SUSD4: variants seen among roughly 807,000 people sequenced by gnomAD.
SUSD4 encodes the protein sushi domain-containing protein 4.
In SUSD4, 41 loss-of-function variants were observed where a neutral mutation model predicts 50.5. The observed-to-expected ratio is 0.81, with a 90% confidence interval of 0.63 to 1.05. SUSD4 has a LOEUF of 1.05. Among genes scored for constraint, SUSD4 ranks in the 50% least tolerant of loss-of-function variants. The pLI is 0.00. For missense variants in SUSD4, 580 were observed against 634.7 expected (o/e 0.91, Z 0.93); for synonymous variants, 257 against 257.3 (o/e 1.00, Z 0.01).
intron 2 of SUSD4, among the ~76,000 whole-genome samples, chr1:223,356,192 T>G (rs1668657757): frequency 6.6e-6 from 1 of 152,154 alleles, no homozygotes; most frequent in Non-Finnish European, 1.5e-5. Context: ...GTGGATAGTT[T>G]TCTTCTCTCT....
chr1:223,360,222 G>A (rs1193831719), intron 2 of SUSD4: 3 of 470,850 alleles, frequency 6.4e-6, no homozygotes, highest in African/African-American at 6.0e-5. Context: ...GTCACTTGTT[G>A]AGCAAACTCT....
At chr1:223,307,361 A>T (rs1450107833) in intron 2 of SUSD4, among the ~76,000 whole-genome samples, 1 of 152,260 alleles carries the variant, frequency 6.6e-6, no homozygotes, top group African/African-American at 2.4e-5. Flanking sequence ...ACAGTTTACA[A>T]TGCGTTTTAC....
intron 2 of SUSD4, among the ~76,000 whole-genome samples, chr1:223,344,856 A>G (rs1023822193): frequency 1.3e-5 from 2 of 152,318 alleles, no homozygotes; most frequent in East Asian, 3.9e-4. Flanking sequence ...AGTTCAGAAC[A>G]TTTAGCACTC....
chr1:223,287,744 G>A (rs1473242915), intron 3 of SUSD4, among the ~76,000 whole-genome samples: 2 of 152,142 alleles, frequency 1.3e-5, no homozygotes, highest in Non-Finnish European at 2.9e-5. Flanking sequence ...TTGAAACCAA[G>A]TGACCGATGC....
intron 2 of SUSD4, among the ~76,000 whole-genome samples, chr1:223,337,684 C>T (rs895439474): frequency 9.9e-5 from 15 of 152,196 alleles, no homozygotes; most frequent in African/African-American, 3.4e-4. Context: ...GACACATTGT[C>T]CCCTCCCTCA....
At chr1:223,364,554 T>C (rs1454137036), upstream of SUSD4, among the ~76,000 whole-genome samples, 1 of 150,144 alleles carries the variant, frequency 6.7e-6, no homozygotes, top group Non-Finnish European at 1.5e-5. This position sits in a 1 kb window ranked among gnomAD's most constrained non-coding sequence, Gnocchi z 4.5. Flanking sequence ...GCGGCCGGTC[T>C]TGCACACGCA....
chr1:223,336,720 C>A (rs997887656), intron 2 of SUSD4, among the ~76,000 whole-genome samples: 4 of 151,810 alleles, frequency 2.6e-5, no homozygotes, highest in African/African-American at 4.8e-5. Context: ...TTTTAAGGGA[C>A]TTGACAAAAT....
intron 2 of SUSD4, among the ~76,000 whole-genome samples, chr1:223,312,085 G>A (rs571374982): frequency 2.6e-5 from 4 of 152,230 alleles, no homozygotes; most frequent in African/African-American, 7.2e-5. Context: ...CTAATGGTTC[G>A]GTTCATGAAT....
intron 2 of SUSD4, among the ~76,000 whole-genome samples, chr1:223,294,298 C>T (rs1321759899): frequency 3.3e-5 from 5 of 152,202 alleles, no homozygotes; most frequent in African/African-American, 1.2e-4. Context: ...TCAACCCAGA[C>T]CTAGGAGACA....
chr1:223,275,338 A>G (rs987688750), intron 3 of SUSD4, among the ~76,000 whole-genome samples: 8 of 152,232 alleles, frequency 5.3e-5, no homozygotes, highest in African/African-American at 1.7e-4. Flanking sequence ...ATCTAACCTG[A>G]TTTCTTGCTT....
At chr1:223,345,450 T>C (rs558211232) in intron 2 of SUSD4, among the ~76,000 whole-genome samples, 1 of 152,074 alleles carries the variant, frequency 6.6e-6, no homozygotes, top group East Asian at 1.9e-4. Context: ...ACGCTCCCTC[T>C]GATCATGCGC....
chr1:223,290,610 A>T (rs374748133), intron 3 of SUSD4, among the ~76,000 whole-genome samples: 3 of 152,126 alleles, frequency 2.0e-5, no homozygotes, highest in Non-Finnish European at 2.9e-5. Context: ...TCCTGCTGCC[A>T]TGCCTATGTA....
At chr1:223,264,911 CCCACCTCTGAAGGTGAAAATGGCA>C in intron 4 of SUSD4, 93 bp from the exon 5 acceptor site, 1 of 1,330,228 alleles carries the variant, frequency 7.5e-7, no homozygotes, top group East Asian at 2.4e-5. Context: ...TTAGGATTCC[CCCACCTCTGAAGGTGAAAATGGCA>C]CCACCTCTGA....
rs1342578004 is a variant in SUSD4 at position 223,268,505 on chromosome 1, G to A, written c.532C>T (p.Gln178Ter). The change falls in exon 4 of 9, where the codon CAA becomes TAA. Residue 178 changes from glutamine (Q) to a stop codon, truncating the protein, a stop_gained. Transcript: ENST00000366878. LOFTEE classifies it high-confidence loss of function. ...AACTGAAGCATCAGTCCCGTACCTTGACAGATGGGCAGATTATTCCACGTT... is the reference window on the plus strand; with the variant it reads ...AACTGAAGCATCAGTCCCGTACCTTAACAGATGGGCAGATTATTCCACGTT... Reference protein sequence around the residue: ...DGTWNNLPICQGCLRPLASSN... With the variant: ...DGTWNNLPIC 1.9e-6 allele frequency: 3 copies of A among 1,613,052 alleles called. No homozygotes were observed. The highest frequency in any genetic ancestry group is 2.5e-6 in the Non-Finnish European group (3 of 1,179,490).
chr1:223,363,469 A>G lies in SUSD4; in HGVS notation c.-35-9T>C. 1 of 1,488,932 alleles carries G rather than the reference A, an allele frequency of 6.7e-7. No individual in the cohort carries two copies. Among genetic ancestry groups the G allele is most frequent in the Non-Finnish European group, 9.0e-7 (1 of 1,108,588 alleles). The allele number at this position is 1,488,932 out of a possible 1,614,324, so 92.2% of individuals were successfully genotyped here. A position where few individuals can be genotyped will look rare whatever the true frequency, so the allele number is the denominator to read the frequency against. On this transcript the variant is annotated splice_polypyrimidine_tract_variant and intron_variant, in intron 1 of 8. Coordinates refer to ENST00000366878, the MANE Select transcript of SUSD4 (RefSeq NM_017982.4). ...ATCCAGCTTGCAAGAGTCTGCAACC[A>G]GAAGCGGAACACCACAATAAGCCAG...
At position 223,227,042 on chromosome 1, in the gene SUSD4, C is replaced by T. The variant is rs1659563971; in HGVS notation, c.1061+552G>A. On this transcript the variant is annotated intron_variant, in intron 7 of 8. Coordinates refer to ENST00000366878, the MANE Select transcript of SUSD4 (RefSeq NM_017982.4). This position sits in a 1 kb window ranked among gnomAD's most constrained non-coding sequence, Gnocchi z 4.5. ...GCAGCTCAGAAGGATGTAGAAGCGC[C>T]TTCCACATGTCCCACTCCAGGGGTT... 6.6e-6 allele frequency among the ~76,000 whole-genome samples: 1 copy of T among 152,164 alleles called. No homozygotes were observed. Among genetic ancestry groups the T allele is most frequent in the Non-Finnish European group, 1.5e-5 (1 of 68,032 alleles).
At chr1:223,302,250 C>A (rs1665244063) in intron 2 of SUSD4, among the ~76,000 whole-genome samples, 1 of 152,126 alleles carries the variant, frequency 6.6e-6, no homozygotes, top group Non-Finnish European at 1.5e-5. Context: ...GAACCATGAG[C>A]ACAATTAAAC....
intron 5 of SUSD4, among the ~76,000 whole-genome samples, chr1:223,235,673 A>T (rs920744160): frequency 6.6e-6 from 1 of 152,184 alleles, no homozygotes; most frequent in East Asian, 1.9e-4. Context: ...AAGTTTCTTC[A>T]TATCTTTTCA....
At chr1:223,224,505 GA>G (rs904322020) in intron 7 of SUSD4, among the ~76,000 whole-genome samples, 3 of 151,858 alleles carry the variant, frequency 2.0e-5, no homozygotes, top group East Asian at 1.9e-4. Flanking sequence ...AGGAAAGAAG[GA>G]AAAAAAAGGA....
Sources: gnomAD v4.1 joint callset for allele counts (sites outside exome capture counted in the v4.1 genomes callset) on GRCh38, gnomAD v4.1.1 for gene constraint, Gnocchi (gnomAD v3.1) non-coding constraint, MANE v1.5 for transcripts, NCBI Gene and HGNC (gene_info 2026-07-23, HGNC 2026-07-21) for gene names.